The following GOLGA8S variants were observed in gnomAD, a reference collection of about 807,000 sequenced individuals.
The protein encoded by GOLGA8S is golgin subfamily A member 8S.
GOLGA8S carries 23 observed loss-of-function variants against 58.9 expected under a neutral mutation model. That is an observed-to-expected ratio of 0.39 (90% CI 0.28 to 0.55). The LOEUF (loss-of-function observed/expected upper bound fraction) is 0.55. Ranked by LOEUF, GOLGA8S falls within the 20% of genes least tolerant of loss-of-function variation. GOLGA8S has a pLI of 0.63. For missense variants in GOLGA8S, 266 were observed against 514.2 expected (o/e 0.52, Z 4.67); for synonymous variants, 84 against 195.7 (o/e 0.43, Z 4.76).
intron 15 of GOLGA8S, 43 bp from the exon 16 acceptor site, chr15:23,364,300 G>A (rs1300729790): frequency 1.3e-6 from 2 of 1,595,340 alleles, no homozygotes; most frequent in African/African-American, 1.3e-5. Context: ...GCCACCTGAG[G>A]GCAGGTCGCT....
At position 23,364,461 on chromosome 15, in the gene GOLGA8S, G is replaced by A. The variant is rs769126894; in HGVS notation, c.1448+18G>A. On this transcript the variant is annotated intron_variant, in intron 16 of 18. Coordinates refer to ENST00000562295, the Ensembl canonical transcript of GOLGA8S. ...TGCCATCAGTGAGTGGGAGGCCAGGGCACAGCAGGGGGAGCTACAGGGCCG... is the reference window on the plus strand; with the variant it reads ...TGCCATCAGTGAGTGGGAGGCCAGGACACAGCAGGGGGAGCTACAGGGCCG... 5 of 1,604,474 alleles carry A rather than the reference G, an allele frequency of 3.1e-6. No homozygotes were observed. The highest frequency in any genetic ancestry group is 4.2e-6 in the Non-Finnish European group (5 of 1,178,526).
chr15:23,364,486 G>C (rs4036658), intron 16 of GOLGA8S, 40 bp from the exon 17 acceptor site: 1 of 1,605,150 alleles, frequency 6.2e-7, no homozygotes, highest in African/African-American at 1.3e-5. Context: ...CTACAGGGCC[G>C]TCGGAGGGGC....
At chr15:23,367,570 C>T (rs1393124432), downstream of GOLGA8S, among the ~76,000 whole-genome samples, 2 of 151,140 alleles carry the variant, frequency 1.3e-5, no homozygotes, top group African/African-American at 2.4e-5. Flanking sequence ...AAATACCACT[C>T]TTTGTGTAGG....
At chr15:23,365,414 G>A (rs577124347), downstream of GOLGA8S, 13 of 568,080 alleles carry the variant, frequency 2.3e-5, no homozygotes, top group African/African-American at 2.4e-4. Flanking sequence ...CCCTTACGTG[G>A]TGGGGGTTCA....
At position 23,361,305 on chromosome 15, in the gene GOLGA8S, G is replaced by C. The variant is rs758547162; in HGVS notation, c.959G>C (p.Gly320Ala). Residue 320 changes from glycine to alanine, a missense_variant, in exon 12 of 19, where the codon GGA becomes GCA. Gly to Ala is a moderately conservative substitution (Grantham distance 60, BLOSUM62 0). Around this residue, in one of 6 missense-constraint regions of GOLGA8S, gnomAD observed 114 missense variants for 120.7 expected, o/e 0.94. Transcript: ENST00000562295. ...AGGAAGGAACTAGAGAGAGTGGCAGGAGCGCTCCAGGCCCAGGTGGAGTAC... is the reference window on the plus strand; with the variant it reads ...AGGAAGGAACTAGAGAGAGTGGCAGCAGCGCTCCAGGCCCAGGTGGAGTAC... 4.4e-6 allele frequency: 6 copies of C among 1,359,684 alleles called. 1 individual carries two copies. Among genetic ancestry groups the C allele is most frequent in the Middle Eastern group, 4.4e-4 (2 of 4,526 alleles). 84.2% of individuals were successfully genotyped at this position (1,359,684 alleles called of 1,614,324 possible).
intron 17 of GOLGA8S, 39 bp downstream of exon 17, chr15:23,364,662 G>C (rs1438937951): frequency 4.9e-6 from 5 of 1,018,132 alleles, no homozygotes; most frequent in Non-Finnish European, 5.5e-6. Flanking sequence ...GGGGGTGGGG[G>C]TGGGTGTGAG....
At chr15:23,356,614 C>T (rs2069691861) in exon 2 of GOLGA8S, 3 of 266,824 alleles carry the variant, frequency 1.1e-5, no homozygotes, top group South Asian at 4.2e-5. Flanking sequence ...GGCAGAGAAA[C>T]AGCCCTGGTG....
In GOLGA8S at chr15:23,358,262, C is replaced by T. The variant is rs1414798474; in HGVS notation, c.310-210C>T. Among the ~76,000 whole-genome samples, 4 of 152,412 alleles carry T rather than the reference C, an allele frequency of 2.6e-5. No homozygotes were observed. The East Asian group carries it at 7.7e-4, about 29-fold the overall frequency. On this transcript the variant is annotated intron_variant, in intron 4 of 18. Coordinates refer to ENST00000562295, the Ensembl canonical transcript of GOLGA8S. ...CCTCTCAAGAGATTCCAGATTCAGA[C>T]CTTCAGTTCTGTGGCTGTGGGCAAA...
exon 12 of GOLGA8S, chr15:23,361,239 A>T (rs748415601): frequency 1.3e-6 from 2 of 1,488,092 alleles, no homozygotes; most frequent in Non-Finnish European, 1.8e-6. Context: ...CTGCCCCCGG[A>T]GCCCCCAGCA....
At chr15:23,359,316 A>T (rs2069744840) in intron 8 of GOLGA8S, 107 bp downstream of exon 8, 2 of 661,006 alleles carry the variant, frequency 3.0e-6, no homozygotes, top group Admixed American at 2.1e-5. Context: ...AGAAGGCAGC[A>T]TGGCCATTTC....
chr15:23,367,680 A>G (rs530903557), downstream of GOLGA8S, among the ~76,000 whole-genome samples: 1 of 151,956 alleles, frequency 6.6e-6, no homozygotes, highest in African/African-American at 2.4e-5. Flanking sequence ...GCGATACCTC[A>G]TTCAGCCGAG....
chr15:23,368,259 G>T (rs1302887954), downstream of GOLGA8S, among the ~76,000 whole-genome samples: 5 of 151,858 alleles, frequency 3.3e-5, no homozygotes, highest in African/African-American at 9.7e-5. Flanking sequence ...TTTCCCTAGA[G>T]TGGCCTTATT....
chr15:23,361,181 T>C (rs1465974014), intron 11 of GOLGA8S, 40 bp from the exon 12 acceptor site: 1 of 1,160,488 alleles, frequency 8.6e-7, no homozygotes. Context: ...TTTTTTTTTT[T>C]TGGAATCCAG....
At chr15:23,364,402 A>G (rs1232131667) in exon 16 of GOLGA8S, 1 of 1,604,568 alleles carries the variant, frequency 6.2e-7, no homozygotes, top group Non-Finnish European at 8.5e-7. Flanking sequence ...TGAAGAAACA[A>G]GAACTTCGCT....
In GOLGA8S at chr15:23,354,913, C is replaced by T. The variant is rs1246354727; in HGVS notation, c.48+20C>T. On this transcript the variant is annotated intron_variant, in intron 1 of 18. Transcript: ENST00000562295. ...AGAAAGGTAAAAACACACCAGGTCA[C>T]GGACCCCCAACCCAGCCATAGATCC... 15 of 331,578 alleles carry T rather than the reference C, an allele frequency of 4.5e-5. 4 individuals are homozygous for T. The highest frequency in any genetic ancestry group is 6.6e-5 in the Non-Finnish European group (12 of 181,146). 20.5% of individuals were successfully genotyped at this position (331,578 alleles called of 1,614,324 possible).
chr15:23,357,836 C>T (rs527660217), intron 4 of GOLGA8S, among the ~76,000 whole-genome samples: 4 of 149,960 alleles, frequency 2.7e-5, no homozygotes, highest in African/African-American at 7.4e-5. Flanking sequence ...TGCCCCTGCT[C>T]GAGTCCTTGC....
chr15:23,362,613 A>G (rs2069821108), intron 13 of GOLGA8S, among the ~76,000 whole-genome samples: 1 of 139,618 alleles, frequency 7.2e-6, no homozygotes, highest in South Asian at 2.5e-4. Context: ...CTTTTCTACC[A>G]TTCTGTGGCC....
intron 4 of GOLGA8S, among the ~76,000 whole-genome samples, chr15:23,358,137 C>G (rs2069717611): frequency 6.6e-6 from 1 of 152,200 alleles, no homozygotes; most frequent in African/African-American, 2.4e-5. Flanking sequence ...CCCATACGTG[C>G]TCAGTAAATG....
exon 19 of GOLGA8S, chr15:23,365,022 A>G (rs1387198996): frequency 1.3e-6 from 2 of 1,579,990 alleles, no homozygotes; most frequent in Non-Finnish European, 1.7e-6. Context: ...CCTCTCCTTG[A>G]CAAGCCTACT....
Sources: allele counts gnomAD v4.1 joint callset (sites outside exome capture counted in the v4.1 genomes callset), GRCh38; gene constraint gnomAD v4.1.1; regional missense constraint gnomAD v4.1.1; transcripts MANE v1.5; gene names NCBI Gene and HGNC (gene_info 2026-07-23, HGNC 2026-07-21).